KCNT2: variants seen among roughly 807,000 people sequenced by gnomAD.
KCNT2 encodes the protein potassium channel subfamily T member 2.
KCNT2 carries 67 observed loss-of-function variants against 153.8 expected under a neutral mutation model. The observed-to-expected ratio is 0.44, with a 90% CI of 0.36 to 0.53. KCNT2 has a LOEUF of 0.53. KCNT2 is among the 20% of genes least tolerant of loss of function. The pLI is 0.00. For missense variants in KCNT2, 975 were observed against 1,354.8 expected, an observed-to-expected ratio of 0.72 and a Z score of 4.40; for synonymous variants, 500 against 458.8, an observed-to-expected ratio of 1.09 and a Z score of -1.15.
At chr1:196,291,953 C>G in intron 22 of KCNT2, among the ~76,000 whole-genome samples, 1 of 151,986 alleles carries the variant, frequency 6.6e-6, no homozygotes, top group Non-Finnish European at 1.5e-5. Context: ...TTAAAAGTAA[C>G]TTGGGTGAAT....
intron 1 of KCNT2, among the ~76,000 whole-genome samples, chr1:196,502,110 C>T (rs948140530): frequency 2.0e-5 from 3 of 152,228 alleles, no homozygotes; most frequent in Non-Finnish European, 2.9e-5. Context: ...GAGCAAGACT[C>T]CATCTCAAAA....
intron 1 of KCNT2, among the ~76,000 whole-genome samples, chr1:196,518,677 G>GA (rs959678425): frequency 1.5e-4 from 22 of 151,416 alleles, no homozygotes; most frequent in African/African-American, 5.1e-4. Flanking sequence ...AAAAATGATG[G>GA]AAAAAAAAGC....
At chr1:196,519,854 T>C (rs535831629) in intron 1 of KCNT2, among the ~76,000 whole-genome samples, 1 of 152,246 alleles carries the variant, frequency 6.6e-6, no homozygotes, top group African/African-American at 2.4e-5. Flanking sequence ...CACAGCTGAA[T>C]TCTACCAGAT....
At chr1:196,547,783 A>T (rs1055700530) in intron 1 of KCNT2, among the ~76,000 whole-genome samples, 9 of 151,806 alleles carry the variant, frequency 5.9e-5, no homozygotes, top group African/African-American at 1.7e-4. Flanking sequence ...TAAATGGAAA[A>T]TTTATAATTT....
chr1:196,285,877 T>C (rs867537280), intron 22 of KCNT2, 119 bp from the exon 23 acceptor site: 15 of 643,734 alleles, frequency 2.3e-5, no homozygotes, highest in Middle Eastern at 5.0e-4. Flanking sequence ...TAGCTATAAA[T>C]GTGTCATTAC....
intron 12 of KCNT2, among the ~76,000 whole-genome samples, chr1:196,399,011 A>G (rs1242228285): frequency 6.6e-6 from 1 of 151,604 alleles, no homozygotes; most frequent in Non-Finnish European, 1.5e-5. Flanking sequence ...CCAAGGAGAA[A>G]TCAAAAATGT....
intron 1 of KCNT2, among the ~76,000 whole-genome samples, chr1:196,586,570 T>C (rs891142096): frequency 6.6e-6 from 1 of 152,116 alleles, no homozygotes; most frequent in African/African-American, 2.4e-5. Flanking sequence ...TGATTTATCA[T>C]TGAGTCACTT....
rs76638935 is a variant in KCNT2, at chr1:196,460,909, A to G, written c.638+4384T>C. Among the ~76,000 whole-genome samples the G allele has an allele frequency of 9.7e-3, 1,467 of 151,862 alleles. 11 individuals carry two copies. Among genetic ancestry groups the G allele is most frequent in the Non-Finnish European group, 0.015 (1,037 of 67,806 alleles). ...CTTATTTTGTTTTCAAAAATTATAC[A>G]TAGCCATTATGAAAATTTAAACCAT... On this transcript the variant is annotated intron_variant, in intron 8 of 27. Transcript: ENST00000294725.
chr1:196,380,367 A>C (rs1178265244), intron 13 of KCNT2, among the ~76,000 whole-genome samples: 1 of 152,230 alleles, frequency 6.6e-6, no homozygotes, highest in Non-Finnish European at 1.5e-5. Flanking sequence ...TATGAATCAA[A>C]ATTGTCTTCA....
At chr1:196,511,221 A>T (rs370804172) in intron 1 of KCNT2, among the ~76,000 whole-genome samples, 1 of 152,080 alleles carries the variant, frequency 6.6e-6, no homozygotes, top group Non-Finnish European at 1.5e-5. Context: ...CAGAAAAGAA[A>T]ATAAGAATCC....
intron 1 of KCNT2, among the ~76,000 whole-genome samples, chr1:196,599,940 C>T (rs1349636645): frequency 6.6e-6 from 1 of 152,176 alleles, no homozygotes; most frequent in Non-Finnish European, 1.5e-5. Flanking sequence ...ATCTCCACTT[C>T]CCAGTCAAGA....
At chr1:196,410,423 G>A (rs567970819) in intron 12 of KCNT2, among the ~76,000 whole-genome samples, 116 of 151,304 alleles carry the variant, frequency 7.7e-4, no homozygotes, top group Admixed American at 6.0e-4. Flanking sequence ...GTTGTGGGGT[G>A]AGGGCAGGTG....
chr1:196,563,402 A>C (rs1659671770), intron 1 of KCNT2, among the ~76,000 whole-genome samples: 1 of 151,078 alleles, frequency 6.6e-6, no homozygotes, highest in African/African-American at 2.4e-5. Flanking sequence ...CATTTCAAAG[A>C]AGTGGTATTC....
At chr1:196,306,867 T>G (rs1193608248) in intron 21 of KCNT2, among the ~76,000 whole-genome samples, 2 of 152,070 alleles carry the variant, frequency 1.3e-5, no homozygotes, top group Non-Finnish European at 2.9e-5. Context: ...TTGTGAAATC[T>G]TTTAATAAAA....
chr1:196,401,966 C>A (rs990258223), intron 12 of KCNT2, among the ~76,000 whole-genome samples: 1 of 151,310 alleles, frequency 6.6e-6, no homozygotes, highest in Non-Finnish European at 1.5e-5. Context: ...TGGCCAAGGA[C>A]TCTCATCAAA....
intron 1 of KCNT2, among the ~76,000 whole-genome samples, chr1:196,563,029 C>T (rs1190715304): frequency 6.6e-6 from 1 of 151,796 alleles, no homozygotes; most frequent in Non-Finnish European, 1.5e-5. Flanking sequence ...TTCTAACATC[C>T]AGGACTTGAG....
At chr1:196,342,430 A>ATATATATATATATG (rs1665752084) in intron 14 of KCNT2, among the ~76,000 whole-genome samples, 1 of 133,884 alleles carries the variant, frequency 7.5e-6, no homozygotes, top group East Asian at 2.1e-4. Flanking sequence ...CTATATATAT[A>ATATATATATATATG]TATATATATA....
At chr1:196,301,662 A>C (rs2147963864) in intron 22 of KCNT2, among the ~76,000 whole-genome samples, 1 of 152,308 alleles carries the variant, frequency 6.6e-6, no homozygotes, top group South Asian at 2.1e-4. Flanking sequence ...TACTTCTTAA[A>C]CATGAATGAA....
chr1:196,343,178 C>T (rs1665827767), intron 14 of KCNT2: 1 of 152,112 alleles, frequency 6.6e-6, no homozygotes, highest in African/African-American at 2.4e-5. Flanking sequence ...CCTGAACTGA[C>T]TAAATCTCCA....
Sources: gnomAD v4.1 joint callset for allele counts (sites outside exome capture counted in the v4.1 genomes callset) on GRCh38, gnomAD v4.1.1 for gene constraint, MANE v1.5 for transcripts, NCBI Gene and HGNC (gene_info 2026-07-23, HGNC 2026-07-21) for gene names.